Variants in WWC2 observed in about 807,000 individuals in gnomAD.
WWC2 encodes the protein protein WWC2.
In WWC2, 101 loss-of-function variants were observed where a neutral mutation model predicts 138.5. The observed-to-expected ratio is 0.73, with a 90% CI of 0.62 to 0.86. WWC2 has a LOEUF of 0.86. Among genes scored for constraint, WWC2 ranks in the 40% least tolerant of loss-of-function variants. The probability of loss-of-function intolerance (pLI) is 0.00; values close to 1 mark genes in which losing one functional copy is unlikely to be tolerated. For missense variants in WWC2, 1,420 were observed against 1,419.4 expected, an observed-to-expected ratio of 1.00 and a Z score of -0.01; for synonymous variants, 558 against 538.4, an observed-to-expected ratio of 1.04 and a Z score of -0.50.
chr4:183,170,594 T>C (rs1230832989), intron 1 of WWC2, among the ~76,000 whole-genome samples: 1 of 152,200 alleles, frequency 6.6e-6, no homozygotes, highest in Non-Finnish European at 1.5e-5. Flanking sequence ...AGATGCACTT[T>C]TGTGACATGA....
chr4:183,209,079 G>A, intron 4 of WWC2, 54 bp downstream of exon 4: 3 of 1,271,098 alleles, frequency 2.4e-6, no homozygotes, highest in Non-Finnish European at 3.3e-6. Context: ...AGAGTCTGAA[G>A]GCTGTGGAAG....
intron 6 of WWC2, among the ~76,000 whole-genome samples, 195 bp from the exon 7 acceptor site, chr4:183,248,519 C>T (rs1010711351): frequency 2.0e-5 from 3 of 152,148 alleles, no homozygotes; most frequent in African/African-American, 7.2e-5. Context: ...GATCTCGCTT[C>T]CAAAGTCACA....
In WWC2 at chr4:183,296,933, C is replaced by CAA. The variant is rs776211338; in HGVS notation, c.3384+7333_3384+7334dup. On this transcript the variant is annotated intron_variant, in intron 21 of 22. Coordinates refer to ENST00000403733, the MANE Select transcript of WWC2 (RefSeq NM_024949.6). ...TGGGCAACAGAGCGAGACTCCGTCT[C>CAA]AAAAAAAAAAAAAAAAAAAAAAAAA... 1.4e-3 allele frequency among the ~76,000 whole-genome samples: 96 copies of CAA among 70,756 alleles called. 13 individuals carry two copies. Among genetic ancestry groups the CAA allele is most frequent in the African/African-American group, 4.3e-3 (69 of 15,962 alleles). The allele number at this position is 70,756 out of a possible 152,430, so 46.4% of individuals were successfully genotyped here. A position where few individuals can be genotyped will look rare whatever the true frequency, so the allele number is the denominator to read the frequency against.
At chr4:183,181,011 T>G (rs944021175) in intron 1 of WWC2, among the ~76,000 whole-genome samples, 6 of 152,250 alleles carry the variant, frequency 3.9e-5, no homozygotes, top group African/African-American at 9.6e-5. Context: ...TCAAAACTTA[T>G]GCACACATTA....
intron 1 of WWC2, among the ~76,000 whole-genome samples, chr4:183,121,423 A>G (rs1301399876): frequency 6.6e-6 from 1 of 152,138 alleles, no homozygotes; most frequent in South Asian, 2.1e-4. Context: ...TCCAAAATTC[A>G]TAATGCTCCA....
At chr4:183,269,771 T>G (rs1255694971) in intron 15 of WWC2, 1 of 229,904 alleles carries the variant, frequency 4.3e-6, no homozygotes, top group East Asian at 9.2e-5. Flanking sequence ...GTATTGGAGC[T>G]TTCGGGAAGA....
intron 4 of WWC2, among the ~76,000 whole-genome samples, chr4:183,224,587 G>A (rs547864457): frequency 4.1e-5 from 6 of 145,650 alleles, no homozygotes; most frequent in Non-Finnish European, 9.0e-5. Flanking sequence ...TTGAGACGGA[G>A]TCTCGCTCTG....
rs962586277 is a variant in WWC2 at position 183,179,852 on chromosome 4, T to C, written c.132-13747T>C. Reference sequence around the variant, plus strand: ...GTTTTCTCTAACAAACATTGAGCACTGTGTACCATGTATGTGTTTGGCATG... The same window carrying C: ...GTTTTCTCTAACAAACATTGAGCACCGTGTACCATGTATGTGTTTGGCATG... On this transcript the variant is annotated intron_variant, in intron 1 of 22. Coordinates refer to ENST00000403733, the MANE Select transcript of WWC2 (RefSeq NM_024949.6). 2.6e-5 allele frequency among the ~76,000 whole-genome samples: 4 copies of C among 152,190 alleles called. No homozygotes were observed. The South Asian group carries it at 8.3e-4, about 31-fold the overall frequency.
chr4:183,256,942 A>G (rs1481712925), intron 9 of WWC2, among the ~76,000 whole-genome samples: 1 of 122,816 alleles, frequency 8.1e-6, no homozygotes, highest in Non-Finnish European at 1.6e-5. Flanking sequence ...AGTGTCGCCC[A>G]CTGGGCCTGA....
chr4:183,124,338 T>C (rs1732692005), intron 1 of WWC2, among the ~76,000 whole-genome samples: 1 of 152,006 alleles, frequency 6.6e-6, no homozygotes, highest in South Asian at 2.1e-4. Context: ...TTCTCATTTA[T>C]AGCTTTATGT....
chr4:183,152,023 A>G (rs2111118623), intron 1 of WWC2, among the ~76,000 whole-genome samples: 1 of 152,300 alleles, frequency 6.6e-6, no homozygotes, highest in Admixed American at 6.5e-5. Context: ...TGTTAACCTC[A>G]GTGTCGTAAC....
At position 183,278,335 on chromosome 4, in the gene WWC2, A is replaced by G. The variant is rs1453255295; in HGVS notation, c.2563-2441A>G. On this transcript the variant is annotated intron_variant, in intron 16 of 22. Transcript: ENST00000403733. ...GGGCTCTGTTCTGTTCCATTGATCT[A>G]TATCTCTGTTTTGGTACCAGTACCA... Among the ~76,000 whole-genome samples the G allele has an allele frequency of 7.2e-5, 11 of 152,098 alleles. No homozygotes were observed. The East Asian group carries it at 2.1e-3, about 29-fold the overall frequency.
chr4:183,281,169 C>A, intron 17 of WWC2: 1 of 443,646 alleles, frequency 2.3e-6, no homozygotes, highest in Non-Finnish European at 3.9e-6. Context: ...TTTTTTTAGT[C>A]TAAACTTGAT....
At chr4:183,143,535 T>C (rs775905643) in intron 1 of WWC2, among the ~76,000 whole-genome samples, 1 of 152,162 alleles carries the variant, frequency 6.6e-6, no homozygotes, top group African/African-American at 2.4e-5. Context: ...TGGCTGGGCA[T>C]GGTGACTCAT....
chr4:183,116,682 A>G (rs985080964), intron 1 of WWC2, among the ~76,000 whole-genome samples: 2 of 152,200 alleles, frequency 1.3e-5, no homozygotes, highest in Non-Finnish European at 2.9e-5. Context: ...GCCACACATA[A>G]TCTTCCAGTG....
intron 5 of WWC2, among the ~76,000 whole-genome samples, chr4:183,243,005 G>A (rs995246852): frequency 6.6e-6 from 1 of 152,126 alleles, no homozygotes; most frequent in African/African-American, 2.4e-5. Context: ...GAGCAGAAAC[G>A]TTCCATGGTG....
In WWC2 at chr4:183,288,580, G is replaced by A. The variant is rs183415853; in HGVS notation, c.3142-813G>A. On this transcript the variant is annotated intron_variant, in intron 20 of 22. Coordinates refer to ENST00000403733, the MANE Select transcript of WWC2 (RefSeq NM_024949.6). ...CTGCACTCACTCACAGCTTCCTCTC[G>A]CTTAAGGCCTCATGTCATTCTGCAG... Among the ~76,000 whole-genome samples, 54 of 152,196 alleles carry A rather than the reference G, an allele frequency of 3.5e-4. No homozygotes were observed. The East Asian group carries it at 7.5e-3, about 21-fold the overall frequency.
chr4:183,288,209 CA>C (rs1175258076), intron 20 of WWC2, among the ~76,000 whole-genome samples: 2 of 152,068 alleles, frequency 1.3e-5, no homozygotes, highest in Admixed American at 6.5e-5. Context: ...AACAGGAGGA[CA>C]CAATAAGAGT....
intron 1 of WWC2, among the ~76,000 whole-genome samples, chr4:183,162,181 C>G (rs920953773): frequency 2.9e-4 from 1 of 3,432 alleles, no homozygotes; most frequent in Non-Finnish European, 0.016. Context: ...CCTGTTCAAA[C>G]TACCCGATTA....
Sources: allele counts gnomAD v4.1 joint callset (sites outside exome capture counted in the v4.1 genomes callset), GRCh38; gene constraint gnomAD v4.1.1; transcripts MANE v1.5; gene names NCBI Gene and HGNC (gene_info 2026-07-23, HGNC 2026-07-21).